IL1RAPL2: variants seen among roughly 807,000 people sequenced by gnomAD.
IL1RAPL2 encodes the protein interleukin 1 receptor accessory protein like 2, also known as X-linked interleukin-1 receptor accessory protein-like 2.
In IL1RAPL2, 3 loss-of-function variants were observed where a neutral mutation model predicts 44.1. The observed-to-expected ratio is 0.07, with a 90% CI of 0.03 to 0.18. IL1RAPL2 has a LOEUF of 0.18. Among genes scored for constraint, IL1RAPL2 ranks in the 10% least tolerant of loss-of-function variants. The probability of loss-of-function intolerance (pLI) is 1.00; values close to 1 mark genes in which losing one functional copy is unlikely to be tolerated. For synonymous variants in IL1RAPL2, 181 were observed against 178.8 expected (o/e 1.01, Z -0.10); for missense variants, 391 against 496.4 (o/e 0.79, Z 2.02).
At chrX:105,284,078 T>C (rs1371144286) in intron 5 of IL1RAPL2, among the ~76,000 whole-genome samples, 7 of 112,026 alleles carry the variant, frequency 6.2e-5, no homozygotes, top group Admixed American at 4.8e-4. Flanking sequence ...AATGCCACAC[T>C]AAATACAGTC....
intron 2 of IL1RAPL2, among the ~76,000 whole-genome samples, chrX:105,117,162 ACTT>A (rs1430008127): frequency 2.7e-5 from 3 of 112,164 alleles, no homozygotes; most frequent in African/African-American, 9.7e-5. Context: ...AGAACATAGC[ACTT>A]CTTCTTATCA....
rs192693408 is a variant in IL1RAPL2, at chrX:105,088,695, C to T, written c.83-106780C>T. Among the ~76,000 whole-genome samples the T allele has an allele frequency of 4.4e-3, 492 of 111,642 alleles. 3 individuals carry two copies. The highest frequency in any genetic ancestry group is 5.4e-3 in the Non-Finnish European group (288 of 53,042). On this transcript the variant is annotated intron_variant, in intron 2 of 10. Transcript: ENST00000372582. ...GAACAGTCTCCTGAGAACACCATAA[C>T]TAAATGTGTATGCTTAAATAGAGAC...
At chrX:105,636,245 C>T (rs1191112899) in intron 6 of IL1RAPL2, among the ~76,000 whole-genome samples, 1 of 110,654 alleles carries the variant, frequency 9.0e-6, no homozygotes, top group African/African-American at 3.3e-5. Flanking sequence ...TTCTCCTCTC[C>T]CTGATCTCAT....
intron 2 of IL1RAPL2, among the ~76,000 whole-genome samples, chrX:105,053,709 T>A (rs1039145009): frequency 1.8e-5 from 2 of 112,146 alleles, no homozygotes; most frequent in Admixed American, 1.9e-4. Flanking sequence ...ACAGGTTAAT[T>A]GATATAAACA....
rs1269975039 is a variant in IL1RAPL2 at position 105,175,785 on chromosome X, A to G, written c.83-19690A>G. Among the ~76,000 whole-genome samples, 7 of 111,231 alleles carry G rather than the reference A, an allele frequency of 6.3e-5. No individual in the cohort carries two copies. The Admixed American group carries it at 6.7e-4, about 11-fold the overall frequency. On this transcript the variant is annotated intron_variant, in intron 2 of 10. Coordinates refer to ENST00000372582, the MANE Select transcript of IL1RAPL2 (RefSeq NM_017416.2). ...GTAATATCAGGATTCCTTTAACAGC[A>G]TATAACTAATTTGTTATTAACTATA...
chrX:105,668,972 G>T (rs1169493311), intron 6 of IL1RAPL2, among the ~76,000 whole-genome samples: 2 of 111,408 alleles, frequency 1.8e-5, no homozygotes, highest in Non-Finnish European at 3.8e-5. Flanking sequence ...GCTCGAGTAA[G>T]AGGAGGAAAA....
intron 2 of IL1RAPL2, among the ~76,000 whole-genome samples, chrX:105,160,580 A>T (rs2033314518): frequency 9.0e-6 from 1 of 111,000 alleles, no homozygotes; most frequent in Admixed American, 9.7e-5. Context: ...AAAATATATT[A>T]AAACAGTTTA....
At chrX:104,738,829 A>C (rs1932057228) in intron 2 of IL1RAPL2, among the ~76,000 whole-genome samples, 1 of 111,721 alleles carries the variant, frequency 9.0e-6, no homozygotes, top group Non-Finnish European at 1.9e-5. Flanking sequence ...AGTCCTAGCT[A>C]CTTAGGAGGC....
chrX:104,647,355 C>A, intron 1 of IL1RAPL2: 1 of 505,904 alleles, frequency 2.0e-6, no homozygotes, highest in East Asian at 3.8e-5. Context: ...ATGGAGTCAC[C>A]CTCAGCAGAG....
chrX:104,983,111 C>T (rs1181421764), intron 2 of IL1RAPL2, among the ~76,000 whole-genome samples: 1 of 109,757 alleles, frequency 9.1e-6, no homozygotes, highest in East Asian at 2.8e-4. Context: ...TATACATAGT[C>T]GAGAAACTCA....
intron 2 of IL1RAPL2, among the ~76,000 whole-genome samples, chrX:104,823,346 G>T (rs1029910638): frequency 9.0e-6 from 1 of 110,578 alleles, no homozygotes; most frequent in South Asian, 3.8e-4. Flanking sequence ...GACAATATGC[G>T]GTGTTTGGTT....
intron 6 of IL1RAPL2, among the ~76,000 whole-genome samples, chrX:105,679,042 T>A (rs1319961908): frequency 1.8e-5 from 2 of 108,856 alleles, no homozygotes; most frequent in Admixed American, 9.9e-5. Context: ...TTTTTTTTTT[T>A]ACTATCATGT....
chrX:105,547,516 G>T (rs1186936382), intron 6 of IL1RAPL2, among the ~76,000 whole-genome samples: 1 of 111,723 alleles, frequency 9.0e-6, no homozygotes, highest in Non-Finnish European at 1.9e-5. Context: ...TGATTCTGTG[G>T]GTCACCAATT....
At chrX:105,205,587 TAAAAAAAAAAAAAAAAA>T (rs375473348) in intron 3 of IL1RAPL2, among the ~76,000 whole-genome samples, 15 of 8,212 alleles carry the variant, frequency 1.8e-3, no homozygotes, top group East Asian at 4.7e-3. Flanking sequence ...AAGACTCTGT[TAAAAAAAAAAAAAAAAA>T]AAAAAAAAAA....
At chrX:104,899,107 C>T (rs1923740936) in intron 2 of IL1RAPL2, among the ~76,000 whole-genome samples, 1 of 111,763 alleles carries the variant, frequency 8.9e-6, no homozygotes, top group South Asian at 3.7e-4. Context: ...CTGAGCCATA[C>T]ATTTTACATT....
intron 8 of IL1RAPL2, among the ~76,000 whole-genome samples, chrX:105,741,867 C>T (rs947530160): frequency 9.0e-6 from 1 of 111,386 alleles, no homozygotes; most frequent in Non-Finnish European, 1.9e-5. Flanking sequence ...TGCAGAGTCA[C>T]TTTGAGGTTC....
intron 2 of IL1RAPL2, among the ~76,000 whole-genome samples, chrX:105,030,842 A>C (rs866825284): frequency 9.8e-5 from 11 of 111,735 alleles, no homozygotes; most frequent in South Asian, 3.7e-4. Flanking sequence ...GCAGTATGGC[A>C]ATTTTCACGA....
At chrX:105,686,512 A>G (rs1037778222) in intron 6 of IL1RAPL2, among the ~76,000 whole-genome samples, 5 of 111,048 alleles carry the variant, frequency 4.5e-5, no homozygotes, top group African/African-American at 1.6e-4. Flanking sequence ...ATTCAACAAG[A>G]AGAGCTAACT....
At chrX:105,054,177 A>G (rs886188151) in intron 2 of IL1RAPL2, among the ~76,000 whole-genome samples, 4 of 110,447 alleles carry the variant, frequency 3.6e-5, no homozygotes, top group African/African-American at 1.3e-4. Flanking sequence ...ATACACACGC[A>G]TACACACACA....
Sources: allele counts gnomAD v4.1 joint callset (sites outside exome capture counted in the v4.1 genomes callset), GRCh38; gene constraint gnomAD v4.1.1; transcripts MANE v1.5; gene names NCBI Gene and HGNC (gene_info 2026-07-23, HGNC 2026-07-21).